Variants in FBLN5 observed in about 807,000 individuals in gnomAD.
FBLN5 encodes fibulin 5, also known as fibulin-5.
Under a neutral mutation model 61.6 loss-of-function variants are expected in FBLN5, and 24 were observed. That is an observed-to-expected ratio of 0.39 (90% CI 0.28 to 0.55). FBLN5 has a LOEUF of 0.55. Among genes scored for constraint, FBLN5 ranks in the 20% least tolerant of loss-of-function variants. The pLI is 0.65. For missense variants in FBLN5, 470 were observed against 594.1 expected, an observed-to-expected ratio of 0.79 and a Z score of 2.17; for synonymous variants, 213 against 219.8, an observed-to-expected ratio of 0.97 and a Z score of 0.27.
chr14:91,942,938 G>C lies in FBLN5; in HGVS notation c.41C>G (p.Ala14Gly). Residue 14 changes from alanine to glycine, a missense_variant, in exon 2 of 11, where the codon GCT (alanine) becomes GGT (glycine). Physicochemically the swap from Ala to Gly is moderately conservative, Grantham distance 60. Transcript: ENST00000342058. ...ATTCCCAGGGCTTGGAAGACAGAGA[G>C]CCAGAATGGTAACAGTGAGTATCCT... ...IKRILTVTILALCLPSPGNAQ... is the reference protein window; with the variant it reads ...IKRILTVTILGLCLPSPGNAQ... 1 of 1,550,434 alleles carries C rather than the reference G, an allele frequency of 6.4e-7. No homozygotes were observed.
intron 4 of FBLN5, among the ~76,000 whole-genome samples, chr14:91,912,028 G>A (rs1890967430): frequency 6.6e-6 from 1 of 152,148 alleles, no homozygotes; most frequent in Admixed American, 6.5e-5. Flanking sequence ...GTGCATCATT[G>A]TTACATTGTA....
intron 4 of FBLN5, among the ~76,000 whole-genome samples, chr14:91,916,844 C>T (rs1891216539): frequency 6.6e-6 from 1 of 152,148 alleles, no homozygotes; most frequent in South Asian, 2.1e-4. Context: ...TTCCTTCATC[C>T]GGTAACAGCA....
At chr14:91,933,823 G>A (rs1245607071) in intron 4 of FBLN5, among the ~76,000 whole-genome samples, 2 of 152,084 alleles carry the variant, frequency 1.3e-5, no homozygotes, top group Non-Finnish European at 2.9e-5. Context: ...AAAAAAAAGA[G>A]AGATAGCTGG....
chr14:91,942,077 T>C, intron 2 of FBLN5: 1 of 453,534 alleles, frequency 2.2e-6, no homozygotes. Context: ...AGGGCTTCTC[T>C]CACTTCTTTC....
intron 4 of FBLN5, among the ~76,000 whole-genome samples, chr14:91,896,567 C>A (rs939861449): frequency 5.9e-5 from 9 of 152,192 alleles, no homozygotes; most frequent in African/African-American, 2.2e-4. Flanking sequence ...GAGGTGGGCT[C>A]ACAATCCCCA....
Position 91,870,071 on chromosome 14 carries a change from G to A in FBLN5, c.*153C>T, listed in dbSNP as rs1037337836. On this transcript the variant is annotated 3_prime_UTR_variant, in exon 11 of 11. Coordinates refer to ENST00000342058, the MANE Select transcript of FBLN5 (RefSeq NM_006329.4). ...AGGGTGACAGGTCTGCAATAGTACAGGTGAGAGTCAGGAAGTCGGGGCTGA... is the reference window on the plus strand; with the variant it reads ...AGGGTGACAGGTCTGCAATAGTACAAGTGAGAGTCAGGAAGTCGGGGCTGA... The A allele has an allele frequency of 1.3e-6, 1 of 766,934 alleles. No homozygotes were observed. Among genetic ancestry groups the A allele is most frequent in the African/African-American group, 1.7e-5 (1 of 58,500 alleles). The allele number at this position is 766,934 out of a possible 1,614,324, so 47.5% of individuals were successfully genotyped here.
intron 4 of FBLN5, among the ~76,000 whole-genome samples, chr14:91,903,301 C>A (rs1595315427): frequency 6.6e-6 from 1 of 152,168 alleles, no homozygotes; most frequent in Admixed American, 6.5e-5. Context: ...CCTATGGCTG[C>A]AATGCCTTGG....
intron 4 of FBLN5, among the ~76,000 whole-genome samples, chr14:91,913,675 C>T (rs984545217): frequency 1.3e-5 from 2 of 152,218 alleles, no homozygotes; most frequent in African/African-American, 4.8e-5. Flanking sequence ...GTTCACTCAA[C>T]TATCATTCAA....
intron 4 of FBLN5, among the ~76,000 whole-genome samples, chr14:91,908,188 A>C (rs990592588): frequency 6.6e-6 from 1 of 152,204 alleles, no homozygotes; most frequent in African/African-American, 2.4e-5. Flanking sequence ...ACTTCCCAGA[A>C]GTTGCTGTCT....
chr14:91,873,328 C>T (rs561056526), intron 10 of FBLN5, among the ~76,000 whole-genome samples: 1 of 152,320 alleles, frequency 6.6e-6, no homozygotes, highest in Admixed American at 6.5e-5. Flanking sequence ...TGGCTACAAC[C>T]TTTCCTACAC....
intron 4 of FBLN5, among the ~76,000 whole-genome samples, chr14:91,925,015 G>A (rs74527904): frequency 0.01 from 1,550 of 152,262 alleles, 32 homozygotes; most frequent in African/African-American, 0.035. Context: ...CTCCTCCCAT[G>A]GAAACTGTTG....
At chr14:91,920,159 C>T (rs1322169145) in intron 4 of FBLN5, among the ~76,000 whole-genome samples, 1 of 152,184 alleles carries the variant, frequency 6.6e-6, no homozygotes, top group Non-Finnish European at 1.5e-5. Context: ...CCAAGTTGCA[C>T]TATCTCCTGT....
intron 4 of FBLN5, among the ~76,000 whole-genome samples, chr14:91,915,481 C>G (rs576251450): frequency 2.6e-5 from 4 of 151,868 alleles, no homozygotes; most frequent in Admixed American, 6.5e-5. Flanking sequence ...GTCAGGAGAT[C>G]GAGACTATCC....
intron 4 of FBLN5, among the ~76,000 whole-genome samples, chr14:91,935,712 A>T (rs2056003093): frequency 6.6e-6 from 1 of 152,208 alleles, no homozygotes; most frequent in African/African-American, 2.4e-5. Context: ...GGTAAAAAAA[A>T]GTCCCTTCCA....
At chr14:91,903,281 T>C (rs1248000421) in intron 4 of FBLN5, among the ~76,000 whole-genome samples, 5 of 152,164 alleles carry the variant, frequency 3.3e-5, no homozygotes, top group African/African-American at 4.8e-5. Flanking sequence ...CACCCTGTAG[T>C]AGTTGGGTGC....
intron 4 of FBLN5, among the ~76,000 whole-genome samples, chr14:91,932,360 C>A (rs887299883): frequency 6.6e-6 from 1 of 152,318 alleles, no homozygotes; most frequent in South Asian, 2.1e-4. Context: ...GGTCTAGTCA[C>A]CTCCAAAGTG....
chr14:91,926,691 C>T (rs1359703716), intron 4 of FBLN5, among the ~76,000 whole-genome samples: 3 of 152,078 alleles, frequency 2.0e-5, no homozygotes, highest in African/African-American at 7.2e-5. Flanking sequence ...ACGTGTCTGA[C>T]CCTATGACTG....
At chr14:91,907,544 G>A (rs535425881) in intron 4 of FBLN5, among the ~76,000 whole-genome samples, 7 of 152,186 alleles carry the variant, frequency 4.6e-5, no homozygotes, top group South Asian at 2.1e-4. Flanking sequence ...TCAGAGAGCC[G>A]GGGGGAGCTT....
chr14:91,913,046 T>C (rs1050255892), intron 4 of FBLN5, among the ~76,000 whole-genome samples: 5 of 152,218 alleles, frequency 3.3e-5, no homozygotes, highest in Admixed American at 2.0e-4. Context: ...TTCGTATTTT[T>C]CATTATTTGT....
Sources: allele counts gnomAD v4.1 joint callset (sites outside exome capture counted in the v4.1 genomes callset), GRCh38; gene constraint gnomAD v4.1.1; transcripts MANE v1.5; gene names NCBI Gene and HGNC (gene_info 2026-07-23, HGNC 2026-07-21).